KLRG1: variants seen among roughly 807,000 people sequenced by gnomAD.
The protein encoded by KLRG1 is killer cell lectin-like receptor subfamily G member 1.
In KLRG1, 16 loss-of-function variants were observed where a neutral mutation model predicts 21.8. The ratio of observed to expected loss-of-function variants is 0.73; its 90% CI spans 0.50 to 1.11. KLRG1 has a LOEUF of 1.11. KLRG1 is among the 50% of genes most tolerant of loss of function. The pLI is 0.00. For missense variants in KLRG1, 173 were observed against 218.3 expected, an observed-to-expected ratio of 0.79 and a Z score of 1.31; for synonymous variants, 69 against 75.9, an observed-to-expected ratio of 0.91 and a Z score of 0.47.
At chr12:9,202,465 T>C in the KLRG1 span, 1 of 1,612,514 alleles carries the variant, frequency 6.2e-7, no homozygotes, top group Non-Finnish European at 8.5e-7. Flanking sequence ...TAATGGAGAC[T>C]TTGGCTGTTC....
chr12:9,041,470 C>T, the KLRG1 span, among the ~76,000 whole-genome samples: 1 of 152,178 alleles, frequency 6.6e-6, no homozygotes, highest in Non-Finnish European at 1.5e-5. Context: ...ACTGCTTCTC[C>T]AAGAATTTGA....
At chr12:9,165,268 G>C in the KLRG1 span, 3 of 1,614,098 alleles carry the variant, frequency 1.9e-6, no homozygotes, top group East Asian at 6.7e-5. Flanking sequence ...CAGTGGAAGA[G>C]ATACCAAGTC....
At chr12:9,157,917 G>A in the KLRG1 span, 9 of 1,172,254 alleles carry the variant, frequency 7.7e-6, no homozygotes, top group African/African-American at 4.6e-5. Flanking sequence ...TGATGGAAAC[G>A]CTCCTCAGTA....
chr12:8,985,613 G>C (rs749772557), upstream of KLRG1, among the ~76,000 whole-genome samples: 1 of 152,256 alleles, frequency 6.6e-6, no homozygotes, highest in East Asian at 1.9e-4. Context: ...CAGTTAATTT[G>C]CTGGAGCAGC....
the KLRG1 span, among the ~76,000 whole-genome samples, chr12:9,046,260 G>A: frequency 2.6e-5 from 4 of 152,010 alleles, no homozygotes; most frequent in Admixed American, 1.3e-4. Flanking sequence ...AAGAACTATG[G>A]GACAATTATG....
chr12:9,141,199 A>T, the KLRG1 span, among the ~76,000 whole-genome samples: 1 of 152,228 alleles, frequency 6.6e-6, no homozygotes, highest in African/African-American at 2.4e-5. Flanking sequence ...TCAGAAATAT[A>T]GGAGTCTCTT....
At chr12:8,957,904 G>A (rs1239486086) in intron 1 of KLRG1, among the ~76,000 whole-genome samples, 1 of 152,120 alleles carries the variant, frequency 6.6e-6, no homozygotes, top group Non-Finnish European at 1.5e-5. Flanking sequence ...TTCAGACCTC[G>A]GTTGACTACT....
At chr12:9,150,699 G>C in the KLRG1 span, 3 of 1,613,204 alleles carry the variant, frequency 1.9e-6, no homozygotes, top group Non-Finnish European at 2.5e-6. Flanking sequence ...CTCCTACTGG[G>C]ATGTCTTGCA....
At chr12:9,199,377 T>G in the KLRG1 span, among the ~76,000 whole-genome samples, 1 of 152,116 alleles carries the variant, frequency 6.6e-6, no homozygotes, top group Non-Finnish European at 1.5e-5. Flanking sequence ...GGTATACATA[T>G]GAAGAAAAGG....
chr12:9,076,938 T>A, the KLRG1 span: 1 of 1,575,344 alleles, frequency 6.3e-7, no homozygotes, highest in Non-Finnish European at 8.6e-7. Flanking sequence ...AACAGGGTGC[T>A]GTGAAGGCAG....
the KLRG1 span, among the ~76,000 whole-genome samples, chr12:9,175,968 A>G: frequency 5.3e-5 from 8 of 152,358 alleles, no homozygotes; most frequent in East Asian, 1.3e-3. Flanking sequence ...GTGTATAGCC[A>G]TAGGAATATA....
At chr12:9,155,962 A>G in the KLRG1 span, 27 of 163,558 alleles carry the variant, frequency 1.7e-4, no homozygotes, top group South Asian at 2.1e-3. Flanking sequence ...GCAGCATGCC[A>G]TATGGGTTCA....
chr12:9,029,764 A>T, the KLRG1 span, among the ~76,000 whole-genome samples: 399 of 151,660 alleles, frequency 2.6e-3, 9 homozygotes, highest in East Asian at 0.055. Flanking sequence ...TTAATTAATT[A>T]ATTTATTTAT....
the KLRG1 span, among the ~76,000 whole-genome samples, chr12:9,020,125 A>C: frequency 6.6e-6 from 1 of 151,830 alleles, no homozygotes; most frequent in Non-Finnish European, 1.5e-5. Context: ...TGTGTTGCCC[A>C]GGTCTTGAAC....
chr12:8,995,686 C>A (rs1592269093), intron 3 of KLRG1, among the ~76,000 whole-genome samples: 1 of 141,494 alleles, frequency 7.1e-6, no homozygotes, highest in Admixed American at 7.1e-5. Flanking sequence ...GCAGCAGATT[C>A]TTTTTTTTTT....
chr12:9,101,439 C>T, the KLRG1 span: 1 of 1,609,640 alleles, frequency 6.2e-7, no homozygotes, highest in African/African-American at 1.3e-5. Context: ...AGTAACCTCC[C>T]TTCTCACCAG....
the KLRG1 span, among the ~76,000 whole-genome samples, chr12:9,198,477 CATA>C: frequency 6.6e-6 from 1 of 152,072 alleles, no homozygotes; most frequent in Non-Finnish European, 1.5e-5. Context: ...AAAATAAGTA[CATA>C]ATAACTAAGC....
chr12:9,090,379 C>G, the KLRG1 span: 1 of 1,613,970 alleles, frequency 6.2e-7, no homozygotes, highest in Non-Finnish European at 8.5e-7. Flanking sequence ...GGTTACTGCC[C>G]AGGACACAGT....
At chr12:9,070,497 T>C in the KLRG1 span, 2 of 1,612,940 alleles carry the variant, frequency 1.2e-6, no homozygotes, top group Non-Finnish European at 1.7e-6. Context: ...CCATTTTCAC[T>C]GTTGGCTTCA....
Sources: gnomAD v4.1 joint callset for allele counts (sites outside exome capture counted in the v4.1 genomes callset) on GRCh38, gnomAD v4.1.1 for gene constraint, MANE v1.5 for transcripts, NCBI Gene and HGNC (gene_info 2026-07-23, HGNC 2026-07-21) for gene names.